CATSPERE: variants seen among roughly 807,000 people sequenced by gnomAD.
CATSPERE encodes the protein cation channel sperm-associated auxiliary subunit epsilon.
A neutral mutation model predicts 114.1 loss-of-function variants in CATSPERE; 93 were observed. The observed-to-expected ratio is 0.81, with a 90% confidence interval of 0.69 to 0.97. The LOEUF is 0.97. CATSPERE is among the 50% of genes least tolerant of loss of function. The pLI is 0.00. For missense variants in CATSPERE, 1,058 were observed against 1,131.6 expected (o/e 0.93, Z 0.93); for synonymous variants, 341 against 384.1 (o/e 0.89, Z 1.31).
chr1:244,622,898 A>T (rs2148723790), intron 20 of CATSPERE, among the ~76,000 whole-genome samples: 1 of 152,234 alleles, frequency 6.6e-6, no homozygotes, highest in East Asian at 1.9e-4. Context: ...GAGTAAAATA[A>T]AGCTTTATTA....
At chr1:244,507,533 T>C (rs1433664508) in intron 7 of CATSPERE, among the ~76,000 whole-genome samples, 4 of 152,226 alleles carry the variant, frequency 2.6e-5, no homozygotes, top group Non-Finnish European at 5.9e-5. Flanking sequence ...CATATGCTTT[T>C]GAAGTCTTAG....
intron 2 of CATSPERE, among the ~76,000 whole-genome samples, chr1:244,468,756 AAAT>A (rs899360772): frequency 3.9e-5 from 6 of 152,194 alleles, no homozygotes; most frequent in African/African-American, 1.4e-4. Context: ...CCATCTCTAC[AAAT>A]AATAATAAAA....
At chr1:244,498,939 G>T (rs910853888) in intron 6 of CATSPERE, 63 bp from the exon 7 acceptor site, 2 of 1,203,102 alleles carry the variant, frequency 1.7e-6, no homozygotes, top group African/African-American at 3.0e-5. Flanking sequence ...GTTATGTTTT[G>T]CCACAACTAA....
chr1:244,466,333 G>T (rs1413455908), intron 2 of CATSPERE, among the ~76,000 whole-genome samples: 1 of 152,154 alleles, frequency 6.6e-6, no homozygotes, highest in South Asian at 2.1e-4. Flanking sequence ...AATTTTCATT[G>T]TATGGAACTA....
chr1:244,452,925 C>T (rs183237179), upstream of CATSPERE, among the ~76,000 whole-genome samples: 2 of 152,124 alleles, frequency 1.3e-5, no homozygotes, highest in East Asian at 1.9e-4. Flanking sequence ...AAAGGTGCTT[C>T]GAAAAAAAGT....
At chr1:244,525,904 T>TAAA (rs35156241) in intron 8 of CATSPERE, among the ~76,000 whole-genome samples, 19,564 of 152,202 alleles carry the variant, frequency 0.13, 2,188 homozygotes, top group African/African-American at 0.3. Context: ...TTCTGCTACT[T>TAAA]AAGAAGCCTA....
intron 8 of CATSPERE, among the ~76,000 whole-genome samples, chr1:244,549,830 G>T (rs369719671): frequency 6.6e-6 from 1 of 152,310 alleles, no homozygotes; most frequent in South Asian, 2.1e-4. Context: ...TTCTGGGTGT[G>T]TCTGTGAGAG....
At chr1:244,620,801 C>G (rs1671990431) in intron 20 of CATSPERE, among the ~76,000 whole-genome samples, 1 of 150,994 alleles carries the variant, frequency 6.6e-6, no homozygotes, top group Non-Finnish European at 1.5e-5. Flanking sequence ...TTGGAGTTCT[C>G]TAAAGACACT....
At chr1:244,455,015 T>C (rs1665999925) in intron 1 of CATSPERE, among the ~76,000 whole-genome samples, 1 of 152,116 alleles carries the variant, frequency 6.6e-6, no homozygotes, top group Non-Finnish European at 1.5e-5. Flanking sequence ...GACAGGAATT[T>C]GGGGATTTTT....
At position 244,572,679 on chromosome 1, in the gene CATSPERE, GTATGT is replaced by G; in HGVS notation, c.1861_1865del (p.Val621CysfsTer14). ...TCGTCTATCCAGAAAACACTGGTCT[GTATGT>G]TATTGTGGAATCTTATGGCCCAAAA... is the stretch of plus-strand genomic sequence containing the variant. On this transcript the variant is annotated frameshift_variant, in exon 11 of 22. Transcript: ENST00000366534. LOFTEE classifies it high-confidence loss of function. 6.2e-7 allele frequency: 1 copy of G among 1,613,870 alleles called. No individual in the cohort carries two copies. The highest frequency in any genetic ancestry group is 1.1e-5 in the South Asian group (1 of 91,018).
intron 8 of CATSPERE, among the ~76,000 whole-genome samples, chr1:244,527,474 CT>C (rs958157308): frequency 7.2e-5 from 11 of 152,132 alleles, no homozygotes; most frequent in African/African-American, 2.7e-4. Flanking sequence ...TTATCCTGTT[CT>C]TTTTTCAAGG....
At chr1:244,550,914 A>G (rs923412515) in intron 8 of CATSPERE, among the ~76,000 whole-genome samples, 3 of 152,214 alleles carry the variant, frequency 2.0e-5, no homozygotes, top group East Asian at 1.9e-4. Flanking sequence ...CAGTACTTCT[A>G]AGATATGTCA....
intron 6 of CATSPERE, among the ~76,000 whole-genome samples, chr1:244,495,001 G>A (rs920495859): frequency 6.6e-6 from 1 of 152,136 alleles, no homozygotes; most frequent in African/African-American, 2.4e-5. Flanking sequence ...ACTTACAGAA[G>A]TAGAATATAT....
In CATSPERE at chr1:244,504,629, G is replaced by C. The variant is rs1000016398; in HGVS notation, c.429+5550G>C. On this transcript the variant is annotated intron_variant, in intron 7 of 21. Transcript: ENST00000366534. The surrounding 1 kb of genome is among the most constrained non-coding windows in gnomAD (Gnocchi z 4.1). ...CCCTTGGAAATGTTGAGGATTGCTG[G>C]TCAGATATTTTGTAAAATGTCAGTC... 9.2e-5 allele frequency among the ~76,000 whole-genome samples: 14 copies of C among 152,164 alleles called. No homozygotes were observed. The highest frequency in any genetic ancestry group is 2.7e-4 in the African/African-American group (11 of 41,436).
rs535378879 is a variant in CATSPERE at position 244,490,061 on chromosome 1, G to C, written c.327-386G>C. Among the ~76,000 whole-genome samples, 3 of 152,260 alleles carry C rather than the reference G, an allele frequency of 2.0e-5. No homozygotes were observed. In the East Asian group the frequency reaches 5.8e-4, roughly 29 times the overall value. ...GAGGATGAACAGGAGAGGGTAAGGA[G>C]GGTACTTCAAGAAGCAAAGAGTGAT... On this transcript the variant is annotated intron_variant, in intron 5 of 21. Transcript: ENST00000366534.
intron 2 of CATSPERE, among the ~76,000 whole-genome samples, 179 bp downstream of exon 2, chr1:244,464,135 A>G (rs1266310008): frequency 6.6e-6 from 1 of 152,172 alleles, no homozygotes; most frequent in Non-Finnish European, 1.5e-5. Flanking sequence ...TTAAATTTGC[A>G]TGTAGCAAAA....
rs968258933 is a variant in CATSPERE at position 244,600,126 on chromosome 1, A to G, written c.2304-5569A>G. On this transcript the variant is annotated intron_variant, in intron 17 of 21. Coordinates refer to ENST00000366534, the MANE Select transcript of CATSPERE (RefSeq NM_001130957.2). ...TCCCGTGATAGACACGTCATCCTGC[A>G]TAAAACATAACAAAAATACTTTGTA... Among the ~76,000 whole-genome samples, 5 of 152,192 alleles carry G rather than the reference A, an allele frequency of 3.3e-5. No individual in the cohort carries two copies. The South Asian group carries it at 6.2e-4, about 19-fold the overall frequency.
At chr1:244,608,035 A>C (rs967838535) in intron 18 of CATSPERE, among the ~76,000 whole-genome samples, 1 of 152,166 alleles carries the variant, frequency 6.6e-6, no homozygotes, top group Non-Finnish European at 1.5e-5. Context: ...TGAACCCAGG[A>C]AGCGGAGGTT....
At chr1:244,467,627 C>T (rs926915895) in intron 2 of CATSPERE, among the ~76,000 whole-genome samples, 9 of 152,150 alleles carry the variant, frequency 5.9e-5, no homozygotes, top group African/African-American at 2.2e-4. Flanking sequence ...ACATCCAGCA[C>T]CAGAAGACCT....
Sources: gnomAD v4.1 joint callset for allele counts (sites outside exome capture counted in the v4.1 genomes callset) on GRCh38, gnomAD v4.1.1 for gene constraint, Gnocchi (gnomAD v3.1) non-coding constraint, MANE v1.5 for transcripts, NCBI Gene and HGNC (gene_info 2026-07-23, HGNC 2026-07-21) for gene names.